Variants in FMO5 observed in about 807,000 individuals in gnomAD.
FMO5 encodes the protein flavin-containing monooxygenase 5.
FMO5 carries 51 observed loss-of-function variants against 43.6 expected under a neutral mutation model. The ratio of observed to expected loss-of-function variants is 1.17; its 90% CI spans 0.93 to 1.48. FMO5 has a LOEUF of 1.48. FMO5 is among the 40% of genes most tolerant of loss of function. The probability of loss-of-function intolerance (pLI) is 0.00; values close to 1 mark genes in which losing one functional copy is unlikely to be tolerated. For synonymous variants in FMO5, 187 were observed against 216.5 expected, an observed-to-expected ratio of 0.86 and a Z score of 1.20; for missense variants, 644 against 643.0, an observed-to-expected ratio of 1.00 and a Z score of -0.02.
intron 7 of FMO5, among the ~76,000 whole-genome samples, chr1:147,195,520 G>T (rs1477339697): frequency 6.6e-6 from 1 of 152,110 alleles, no homozygotes; most frequent in African/African-American, 2.4e-5. Context: ...AAGAGTAGGG[G>T]TTAAGGCCAA....
chr1:147,213,700 T>G (rs1553924354), intron 3 of FMO5, among the ~76,000 whole-genome samples: 1 of 152,168 alleles, frequency 6.6e-6, no homozygotes, highest in East Asian at 1.9e-4. Flanking sequence ...TACCCTCCTC[T>G]TCTAGAAAAG....
In FMO5 at chr1:147,206,888, CA is replaced by C. The variant is rs1553922483; in HGVS notation, c.830+1963del. Among the ~76,000 whole-genome samples, 3 of 151,784 alleles carry C rather than the reference CA, an allele frequency of 2.0e-5. No homozygotes were observed. The East Asian group carries it at 5.8e-4, about 29-fold the overall frequency. ...ACATGGCACATATATACATATATAA[CA>C]AACCTGCACGTTGTGCACATGTACC... On this transcript the variant is annotated intron_variant, in intron 6 of 8. Coordinates refer to ENST00000254090, the MANE Select transcript of FMO5 (RefSeq NM_001461.4).
chr1:147,194,697 G>C (rs1187757740), intron 7 of FMO5, among the ~76,000 whole-genome samples: 1 of 152,050 alleles, frequency 6.6e-6, no homozygotes, highest in African/African-American at 2.4e-5. Flanking sequence ...TTTTAGAGCA[G>C]GCCTGGTGGT....
At chr1:147,217,254 A>T (rs141352233) in intron 2 of FMO5, among the ~76,000 whole-genome samples, 1 of 151,964 alleles carries the variant, frequency 6.6e-6, no homozygotes. Context: ...AAAAAGAAAA[A>T]GAAAAAGAAA....
chr1:147,211,481 G>C (rs1219105917), intron 5 of FMO5: 2 of 152,142 alleles, frequency 1.3e-5, no homozygotes, highest in Non-Finnish European at 2.9e-5. Flanking sequence ...ATGAGAAGAA[G>C]TGTTTTTCAA....
At chr1:147,221,316 A>G (rs902814862) in intron 2 of FMO5, among the ~76,000 whole-genome samples, 1 of 152,224 alleles carries the variant, frequency 6.6e-6, no homozygotes, top group African/African-American at 2.4e-5. Flanking sequence ...TGGTTCATTC[A>G]TTATTTAAAA....
rs1227381345 is a variant in FMO5, at chr1:147,207,899, C to T, written c.830+953G>A. Among the ~76,000 whole-genome samples, 3 of 152,316 alleles carry T rather than the reference C, an allele frequency of 2.0e-5. No individual in the cohort carries two copies. The East Asian group carries it at 5.8e-4, about 29-fold the overall frequency. ...GGTATGGGGATCTACCATCTTGTCT[C>T]ACCACTGCCTGAGACAGACATGGCT... On this transcript the variant is annotated intron_variant, in intron 6 of 8. Coordinates refer to ENST00000254090, the MANE Select transcript of FMO5 (RefSeq NM_001461.4).
chr1:147,212,295 T>G, intron 5 of FMO5, 98 bp downstream of exon 5: 1 of 1,261,102 alleles, frequency 7.9e-7, no homozygotes, highest in Non-Finnish European at 1.1e-6. Flanking sequence ...AAGGGCTATG[T>G]GCAGGTATCC....
intron 7 of FMO5, among the ~76,000 whole-genome samples, chr1:147,196,972 T>C (rs1282110069): frequency 2.6e-5 from 4 of 152,202 alleles, no homozygotes; most frequent in Non-Finnish European, 4.4e-5. Context: ...TACTGACCTA[T>C]TTCCCATTTC....
intron 7 of FMO5, among the ~76,000 whole-genome samples, chr1:147,196,682 T>G (rs1658069432): frequency 6.6e-6 from 1 of 152,128 alleles, no homozygotes; most frequent in African/African-American, 2.4e-5. Context: ...TAAATTTTGT[T>G]TTTGCAGTGT....
intron 7 of FMO5, among the ~76,000 whole-genome samples, chr1:147,195,571 T>A (rs1657844442): frequency 6.6e-6 from 1 of 152,150 alleles, no homozygotes; most frequent in Non-Finnish European, 1.5e-5. Flanking sequence ...TAAATTTAAG[T>A]AAGATGCACA....
rs1655650568 is a variant in FMO5 at position 147,186,550 on chromosome 1, G to A, written c.*350C>T. ...GAGTAAGCGATTTTATACCGATGCT[G>A]ACTTACTCTCCCTACCATAAAATTT... is the stretch of plus-strand genomic sequence containing the variant. On this transcript the variant is annotated 3_prime_UTR_variant, in exon 9 of 9. Coordinates refer to ENST00000254090, the MANE Select transcript of FMO5 (RefSeq NM_001461.4). The A allele has an allele frequency of 2.0e-6, 2 of 1,013,552 alleles. No individual in the cohort carries two copies. Among genetic ancestry groups the A allele is most frequent in the African/African-American group, 3.4e-5 (2 of 58,176 alleles). The allele number at this position is 1,013,552 out of a possible 1,614,324, so 62.8% of individuals were successfully genotyped here.
Position 147,207,486 on chromosome 1 carries a change from A to G in FMO5, c.830+1366T>C, listed in dbSNP as rs1335694556. ...TGAGGACCCCATCCTTTGTACTTTC[A>G]TAACACTGTATGTATTTCTTCATTA... On this transcript the variant is annotated intron_variant, in intron 6 of 8. Coordinates refer to ENST00000254090, the MANE Select transcript of FMO5 (RefSeq NM_001461.4). Among the ~76,000 whole-genome samples, 3 of 152,334 alleles carry G rather than the reference A, an allele frequency of 2.0e-5. No homozygotes were observed. In the East Asian group the frequency reaches 5.8e-4, roughly 29 times the overall value.
At chr1:147,204,923 G>C in intron 6 of FMO5, 2 of 1,563,896 alleles carry the variant, frequency 1.3e-6, no homozygotes, top group Non-Finnish European at 8.8e-7. Flanking sequence ...TTGGGAACTT[G>C]AAGCGCCATG....
upstream of FMO5, chr1:147,225,918 G>A (rs1553927686): frequency 3.9e-5 from 6 of 152,292 alleles, no homozygotes; most frequent in South Asian, 1.2e-3. Context: ...AGGGGTCCAC[G>A]TGAAAGGGTC....
chr1:147,188,346 A>G (rs1656002518), intron 8 of FMO5, among the ~76,000 whole-genome samples: 1 of 151,938 alleles, frequency 6.6e-6, no homozygotes. Context: ...CAACATGGCG[A>G]AACCCCATCT....
At chr1:147,205,039 T>G (rs1553921963) in intron 6 of FMO5, 2 of 690,962 alleles carry the variant, frequency 2.9e-6, no homozygotes, top group Non-Finnish European at 2.6e-6. Context: ...CTCTTCCATC[T>G]TTGCTATATA....
At chr1:147,226,627 G>GT (rs1229610177), upstream of FMO5, among the ~76,000 whole-genome samples, 1 of 152,166 alleles carries the variant, frequency 6.6e-6, no homozygotes, top group Non-Finnish European at 1.5e-5. Flanking sequence ...GTGAGGGGTT[G>GT]TAAGAGGCAT....
intron 2 of FMO5, among the ~76,000 whole-genome samples, chr1:147,219,870 G>A (rs1191655096): frequency 1.5e-5 from 2 of 134,098 alleles, no homozygotes; most frequent in Non-Finnish European, 3.0e-5. Flanking sequence ...ACAGAGTCTC[G>A]CTCTATTGCC....
Sources: gnomAD v4.1 joint callset for allele counts (sites outside exome capture counted in the v4.1 genomes callset) on GRCh38, gnomAD v4.1.1 for gene constraint, MANE v1.5 for transcripts, NCBI Gene and HGNC (gene_info 2026-07-23, HGNC 2026-07-21) for gene names.